CLYBL: variants seen among roughly 807,000 people sequenced by gnomAD.
The protein encoded by CLYBL is citramalyl-CoA lyase, mitochondrial.
In CLYBL, 31 loss-of-function variants were observed where a neutral mutation model predicts 38.9. The observed-to-expected ratio is 0.80, with a 90% CI of 0.60 to 1.08. The LOEUF (loss-of-function observed/expected upper bound fraction) is 1.08. Ranked by LOEUF, CLYBL falls within the 50% of genes least tolerant of loss-of-function variation. CLYBL has a pLI of 0.00. For synonymous variants in CLYBL, 171 were observed against 158.6 expected (o/e 1.08, Z -0.59); for missense variants, 434 against 411.6 (o/e 1.05, Z -0.47).
intron 1 of CLYBL, among the ~76,000 whole-genome samples, chr13:99,661,358 A>G (rs1296303878): frequency 6.6e-6 from 1 of 152,206 alleles, no homozygotes; most frequent in Non-Finnish European, 1.5e-5. Flanking sequence ...TGAGGGTACA[A>G]TCAAACAGCT....
chr13:99,757,758 C>T (rs1414725804), intron 1 of CLYBL, among the ~76,000 whole-genome samples: 1 of 152,212 alleles, frequency 6.6e-6, no homozygotes, highest in African/African-American at 2.4e-5. Context: ...TGCGCCTGGC[C>T]ACCTTGGCAA....
downstream of CLYBL, among the ~76,000 whole-genome samples, chr13:99,898,180 G>A (rs9517909): frequency 0.47 from 72,095 of 152,020 alleles, 18,713 homozygotes; most frequent in Non-Finnish European, 0.59. Context: ...TTTACATAAC[G>A]CCAAATAGCT....
chr13:99,613,007 T>A (rs2046651226), intron 1 of CLYBL, among the ~76,000 whole-genome samples: 1 of 139,008 alleles, frequency 7.2e-6, no homozygotes, highest in Non-Finnish European at 1.5e-5. Context: ...AGAGCAAAGC[T>A]CTATTAAAAA....
chr13:99,679,108 C>T (rs1351947739), intron 1 of CLYBL, among the ~76,000 whole-genome samples: 2 of 151,990 alleles, frequency 1.3e-5, no homozygotes, highest in African/African-American at 4.8e-5. Flanking sequence ...TCCTGGCTAA[C>T]ACGGTGAAAC....
At chr13:99,704,128 A>T (rs1373680081) in intron 1 of CLYBL, among the ~76,000 whole-genome samples, 1 of 152,224 alleles carries the variant, frequency 6.6e-6, no homozygotes. Context: ...TGTTAATGAC[A>T]TTCAGATCTT....
intron 1 of CLYBL, among the ~76,000 whole-genome samples, chr13:99,654,421 C>T (rs1048252045): frequency 3.9e-5 from 6 of 152,142 alleles, no homozygotes; most frequent in Non-Finnish European, 7.3e-5. Flanking sequence ...TGTCCTCCTC[C>T]GTACCCTCAT....
intron 2 of CLYBL, among the ~76,000 whole-genome samples, chr13:99,789,767 C>T (rs1189843763): frequency 6.6e-6 from 1 of 152,138 alleles, no homozygotes; most frequent in Non-Finnish European, 1.5e-5. Context: ...AACTTTCTGT[C>T]TCGTTGATCT....
At chr13:99,884,242 C>G (rs1394841276) in intron 7 of CLYBL, among the ~76,000 whole-genome samples, 1 of 152,124 alleles carries the variant, frequency 6.6e-6, no homozygotes, top group African/African-American at 2.4e-5. Context: ...ATCAGGGGCA[C>G]AGAGAGACAT....
intron 1 of CLYBL, among the ~76,000 whole-genome samples, chr13:99,609,663 A>G (rs571680446): frequency 4.6e-4 from 70 of 152,026 alleles, no homozygotes; most frequent in African/African-American, 1.7e-3. Context: ...CAGCCTCCCA[A>G]ATAGCTGGGA....
chr13:99,722,953 C>A (rs192094778), intron 1 of CLYBL, among the ~76,000 whole-genome samples: 2 of 152,230 alleles, frequency 1.3e-5, no homozygotes, highest in African/African-American at 4.8e-5. Context: ...GAGATATAGC[C>A]GCAGGCTCTT....
rs1232111543 is a variant in CLYBL, at chr13:99,744,489, T to A, written c.63-28335T>A. Among the ~76,000 whole-genome samples, 20 of 152,270 alleles carry A rather than the reference T, an allele frequency of 1.3e-4. No homozygotes were observed. In the East Asian group the frequency reaches 3.5e-3, roughly 26 times the overall value. ...CCATCTGGGAGCTGGCTGGTCCATC[T>A]GAGCGGCCAGCAGTCTGCAGGGTTC... On this transcript the variant is annotated intron_variant, in intron 1 of 8. Coordinates refer to ENST00000339105, the MANE Select transcript of CLYBL (RefSeq NM_206808.5).
intron 2 of CLYBL, among the ~76,000 whole-genome samples, chr13:99,825,935 C>T (rs931495392): frequency 2.0e-5 from 3 of 152,198 alleles, no homozygotes; most frequent in Non-Finnish European, 4.4e-5. Flanking sequence ...AATCTGCAGC[C>T]TCACCCCACT....
At chr13:99,783,542 C>T (rs187553506) in intron 2 of CLYBL, among the ~76,000 whole-genome samples, 6 of 151,810 alleles carry the variant, frequency 4.0e-5, no homozygotes, top group Admixed American at 6.6e-5. Context: ...CTGCAAGCAC[C>T]GCCTCCTGGG....
At chr13:99,886,073 CA>C (rs2052342262) in intron 7 of CLYBL, among the ~76,000 whole-genome samples, 1 of 152,136 alleles carries the variant, frequency 6.6e-6, no homozygotes. Flanking sequence ...GGTGATACCC[CA>C]AAAAAGGACT....
intron 1 of CLYBL, among the ~76,000 whole-genome samples, chr13:99,651,062 C>A (rs1372814310): frequency 6.6e-6 from 1 of 152,190 alleles, no homozygotes; most frequent in East Asian, 1.9e-4. Context: ...ATCTTGCTGA[C>A]CAAATATCTT....
At chr13:99,717,833 A>T (rs1013399596) in intron 1 of CLYBL, among the ~76,000 whole-genome samples, 3 of 151,354 alleles carry the variant, frequency 2.0e-5, no homozygotes, top group South Asian at 2.1e-4. Flanking sequence ...TTGGGTGTGT[A>T]TGTGTGTGTG....
intron 1 of CLYBL, among the ~76,000 whole-genome samples, chr13:99,713,334 CTTTTTTTTTTTT>C (rs759844768): frequency 3.0e-5 from 3 of 101,682 alleles, no homozygotes; most frequent in Non-Finnish European, 6.0e-5. Context: ...TTCTCTATTT[CTTTTTTTTTTTT>C]TTTTTTTTTT....
At chr13:99,877,428 C>T (rs2052072797) in intron 7 of CLYBL, among the ~76,000 whole-genome samples, 1 of 152,026 alleles carries the variant, frequency 6.6e-6, no homozygotes, top group Non-Finnish European at 1.5e-5. Context: ...TTTTTCTTTA[C>T]ATCTTTTTCT....
chr13:99,732,168 A>C (rs1468888469), intron 1 of CLYBL, among the ~76,000 whole-genome samples: 1 of 108,856 alleles, frequency 9.2e-6, no homozygotes, highest in Non-Finnish European at 1.9e-5. Context: ...ATTATATGGC[A>C]GTTTTTTTTT....
Sources: allele counts gnomAD v4.1 joint callset (sites outside exome capture counted in the v4.1 genomes callset), GRCh38; gene constraint gnomAD v4.1.1; transcripts MANE v1.5; gene names NCBI Gene and HGNC (gene_info 2026-07-23, HGNC 2026-07-21).